CTNNA2: variants seen among roughly 807,000 people sequenced by gnomAD.
CTNNA2 encodes the protein catenin alpha-2.
Under a neutral mutation model 101.0 loss-of-function variants are expected in CTNNA2, and 42 were observed. That is an observed-to-expected ratio of 0.42 (90% CI 0.32 to 0.54). The LOEUF (loss-of-function observed/expected upper bound fraction) is 0.54. CTNNA2 is among the 20% of genes least tolerant of loss of function. CTNNA2 has a pLI of 0.14. For missense variants in CTNNA2, 871 were observed against 1,223.1 expected (o/e 0.71, Z 4.29); for synonymous variants, 450 against 456.4 (o/e 0.99, Z 0.18).
Position 79,340,446 on chromosome 2 carries a change from A to G in CTNNA2, c.-318+27650A>G, listed in dbSNP as rs376006727. 1.2e-4 allele frequency among the ~76,000 whole-genome samples: 19 copies of G among 152,306 alleles called. No individual in the cohort carries two copies. In the South Asian group the frequency reaches 1.7e-3, roughly 13 times the overall value. Reference sequence around the variant, plus strand: ...AACTAAGGTTAGGAAAAAGAAGAATACCAAGAAGCAATGACAGTTCTGAAC... The same window carrying G: ...AACTAAGGTTAGGAAAAAGAAGAATGCCAAGAAGCAATGACAGTTCTGAAC... On this transcript the variant is annotated intron_variant, in intron 3 of 21. Transcript: ENST00000466387.
At chr2:79,268,239 C>T (rs75911354) in intron 2 of CTNNA2, among the ~76,000 whole-genome samples, 1 of 152,172 alleles carries the variant, frequency 6.6e-6, no homozygotes, top group East Asian at 1.9e-4. Context: ...GATGTAATGA[C>T]CATAATGGTC....
intron 13 of CTNNA2, among the ~76,000 whole-genome samples, chr2:80,576,868 T>C (rs1573334345): frequency 6.7e-6 from 1 of 148,226 alleles, no homozygotes. Flanking sequence ...TGGGAGGCTG[T>C]GGGAGGAGAA....
intron 9 of CTNNA2, among the ~76,000 whole-genome samples, chr2:80,450,144 T>C (rs545826029): frequency 7.9e-5 from 12 of 152,338 alleles, no homozygotes; most frequent in African/African-American, 2.4e-4. Context: ...CACTAGTTCT[T>C]AAGATGTTAA....
chr2:80,212,757 C>A (rs1487203850), intron 7 of CTNNA2, among the ~76,000 whole-genome samples: 1 of 152,188 alleles, frequency 6.6e-6, no homozygotes, highest in East Asian at 1.9e-4. Flanking sequence ...AGGATTCCCT[C>A]TTTTTCTATT....
chr2:80,008,352 A>T (rs1356675029), intron 7 of CTNNA2, among the ~76,000 whole-genome samples: 1 of 152,160 alleles, frequency 6.6e-6, no homozygotes, highest in Non-Finnish European at 1.5e-5. Flanking sequence ...TGTGGTGAGG[A>T]GTAATGAGTT....
chr2:80,161,216 A>T (rs1030079874), intron 7 of CTNNA2, among the ~76,000 whole-genome samples: 1 of 152,132 alleles, frequency 6.6e-6, no homozygotes, highest in Non-Finnish European at 1.5e-5. Context: ...GGGTTTCACC[A>T]TGTTGGCCAG....
chr2:79,462,011 G>A lies in CTNNA2; in HGVS notation c.-134-43043G>A, dbSNP rs1280209939. 2.6e-5 allele frequency among the ~76,000 whole-genome samples: 4 copies of A among 152,146 alleles called. No individual in the cohort carries two copies. In the East Asian group the frequency reaches 7.7e-4, roughly 29 times the overall value. ...ATTCATACAGGCAAATGTACAGTGT[G>A]TGAATTGTATGTTAAATTTATTAAT... On this transcript the variant is annotated intron_variant, in intron 4 of 21. Transcript: ENST00000466387.
intron 9 of CTNNA2, among the ~76,000 whole-genome samples, chr2:80,534,946 ATGAG>A (rs1690872716): frequency 6.6e-6 from 1 of 152,220 alleles, no homozygotes; most frequent in African/African-American, 2.4e-5. Flanking sequence ...TTACCAAACA[ATGAG>A]GCAACAACAT....
intron 4 of CTNNA2, among the ~76,000 whole-genome samples, chr2:79,474,521 A>T (rs1671031806): frequency 6.6e-6 from 1 of 152,192 alleles, no homozygotes; most frequent in Non-Finnish European, 1.5e-5. Context: ...AGGGCCACAG[A>T]AATTTACACC....
chr2:80,415,400 G>C (rs528741906), intron 8 of CTNNA2, among the ~76,000 whole-genome samples: 1 of 152,064 alleles, frequency 6.6e-6, no homozygotes, highest in South Asian at 2.1e-4. Flanking sequence ...TCTCCATGAA[G>C]CTCTGTTTTT....
intron 4 of CTNNA2, among the ~76,000 whole-genome samples, chr2:79,400,056 T>C (rs780517241): frequency 5.1e-4 from 78 of 152,126 alleles, no homozygotes; most frequent in Admixed American, 1.4e-3. Context: ...CATCAATCAA[T>C]ATATGTAAGA....
At chr2:79,416,401 C>G (rs143775320) in intron 4 of CTNNA2, among the ~76,000 whole-genome samples, 548 of 150,636 alleles carry the variant, frequency 3.6e-3, no homozygotes, top group Middle Eastern at 0.014. Context: ...AAGCTTTAAT[C>G]TTTTCCAAAC....
intron 7 of CTNNA2, among the ~76,000 whole-genome samples, chr2:80,319,905 A>G (rs890449905): frequency 3.3e-5 from 5 of 152,212 alleles, no homozygotes; most frequent in African/African-American, 1.2e-4. Flanking sequence ...CTCTTCCTGC[A>G]GCCTGCTGGT....
chr2:80,341,005 T>G (rs1429525727), intron 7 of CTNNA2, among the ~76,000 whole-genome samples: 2 of 151,994 alleles, frequency 1.3e-5, no homozygotes, highest in South Asian at 2.1e-4. Flanking sequence ...AGGAAACAAA[T>G]GAACAGCCAG....
At chr2:79,951,524 G>T (rs1304206993) in intron 7 of CTNNA2, among the ~76,000 whole-genome samples, 1 of 152,012 alleles carries the variant, frequency 6.6e-6, no homozygotes, top group Non-Finnish European at 1.5e-5. Flanking sequence ...AAATAGCTGG[G>T]CATGGTGGTG....
At chr2:80,447,874 C>T (rs946983720) in intron 9 of CTNNA2, among the ~76,000 whole-genome samples, 4 of 152,128 alleles carry the variant, frequency 2.6e-5, no homozygotes, top group African/African-American at 2.4e-5. Flanking sequence ...TGAGAAAGAA[C>T]GCAGAAGCTT....
At chr2:79,867,431 T>C (rs1304322521) in intron 4 of CTNNA2, among the ~76,000 whole-genome samples, 1 of 152,122 alleles carries the variant, frequency 6.6e-6, no homozygotes, top group African/African-American at 2.4e-5. Flanking sequence ...CTCTCATCTA[T>C]CTACTAGTAG....
At chr2:79,320,266 T>TA (rs2104408379) in intron 3 of CTNNA2, among the ~76,000 whole-genome samples, 1 of 149,936 alleles carries the variant, frequency 6.7e-6, no homozygotes, top group South Asian at 2.1e-4. Flanking sequence ...TTCAATTTTT[T>TA]TTTTTTTTTT....
chr2:79,450,549 GC>G (rs1198761298), intron 4 of CTNNA2, among the ~76,000 whole-genome samples: 2 of 152,020 alleles, frequency 1.3e-5, no homozygotes, highest in Non-Finnish European at 2.9e-5. Context: ...TACTAGGTAT[GC>G]TTTTTGTTTG....
Sources: allele counts gnomAD v4.1 joint callset (sites outside exome capture counted in the v4.1 genomes callset), GRCh38; gene constraint gnomAD v4.1.1; transcripts MANE v1.5; gene names NCBI Gene and HGNC (gene_info 2026-07-23, HGNC 2026-07-21).